The following FHIT variants were observed in gnomAD, a reference collection of about 807,000 sequenced individuals.
FHIT encodes the protein fragile histidine triad diadenosine triphosphatase, also known as bis(5'-adenosyl)-triphosphatase.
A neutral mutation model predicts 17.9 loss-of-function variants in FHIT; 19 were observed. That is an observed-to-expected ratio of 1.06 (90% CI 0.74 to 1.56). The LOEUF (loss-of-function observed/expected upper bound fraction) is 1.56, where lower values mean the gene tolerates loss of function less well. Among genes scored for constraint, FHIT ranks in the 40% most tolerant of loss-of-function variants. The probability of loss-of-function intolerance (pLI) is 0.00; values close to 1 mark genes in which losing one functional copy is unlikely to be tolerated. For synonymous variants in FHIT, 81 were observed against 69.7 expected (o/e 1.16, Z -0.81); for missense variants, 248 against 189.2 (o/e 1.31, Z -1.82).
At chr3:60,168,162 A>G (rs926962071) in intron 5 of FHIT, among the ~76,000 whole-genome samples, 1 of 152,222 alleles carries the variant, frequency 6.6e-6, no homozygotes, top group African/African-American at 2.4e-5. Context: ...CAGTACACAG[A>G]CGGAGGCCTG....
At chr3:60,700,588 A>T (rs2107907683) in intron 4 of FHIT, among the ~76,000 whole-genome samples, 1 of 152,130 alleles carries the variant, frequency 6.6e-6, no homozygotes, top group East Asian at 1.9e-4. Context: ...TTAAATATAC[A>T]TTTTCACATC....
At chr3:60,206,143 A>T (rs1220456715) in intron 5 of FHIT, among the ~76,000 whole-genome samples, 3 of 128,182 alleles carry the variant, frequency 2.3e-5, no homozygotes, top group Admixed American at 8.2e-5. Context: ...AAAAAAAAAA[A>T]AAAATAAATA....
At chr3:60,638,062 C>A (rs2039633470) in intron 4 of FHIT, among the ~76,000 whole-genome samples, 2 of 152,154 alleles carry the variant, frequency 1.3e-5, no homozygotes, top group African/African-American at 4.8e-5. Context: ...AGATCAAATA[C>A]ACAAACATTC....
chr3:60,906,122 A>C (rs1180092539), intron 3 of FHIT, among the ~76,000 whole-genome samples: 5 of 152,382 alleles, frequency 3.3e-5, no homozygotes, highest in African/African-American at 1.2e-4. Flanking sequence ...TTCTGAAGAC[A>C]GTATTCTGAA....
At chr3:59,835,094 A>T (rs938375460) in intron 8 of FHIT, among the ~76,000 whole-genome samples, 1 of 152,180 alleles carries the variant, frequency 6.6e-6, no homozygotes, top group Non-Finnish European at 1.5e-5. Context: ...TTGCAAAGAC[A>T]ATCTTTCCCT....
At chr3:60,782,831 G>A (rs568526847) in intron 4 of FHIT, among the ~76,000 whole-genome samples, 2 of 152,228 alleles carry the variant, frequency 1.3e-5, no homozygotes, top group East Asian at 1.9e-4. Flanking sequence ...GTATCCTCAC[G>A]TGGACGAAGG....
chr3:60,767,950 C>A (rs1553721960), intron 4 of FHIT, among the ~76,000 whole-genome samples: 1 of 152,202 alleles, frequency 6.6e-6, no homozygotes, highest in African/African-American at 2.4e-5. Context: ...ATTAGGCTTA[C>A]TCTGGCTATC....
intron 5 of FHIT, among the ~76,000 whole-genome samples, chr3:60,289,496 A>G (rs1391843340): frequency 6.6e-6 from 1 of 152,182 alleles, no homozygotes; most frequent in Non-Finnish European, 1.5e-5. Flanking sequence ...CCACATTATT[A>G]AACATGACAA....
chr3:60,402,692 TAAA>T (rs1701709563), intron 5 of FHIT, among the ~76,000 whole-genome samples: 2 of 152,132 alleles, frequency 1.3e-5, no homozygotes, highest in Admixed American at 1.3e-4. Context: ...CCATCTGTAA[TAAA>T]GTAGCACTAG....
chr3:59,908,779 G>C (rs1262797888), intron 8 of FHIT, among the ~76,000 whole-genome samples: 1 of 97,160 alleles, frequency 1.0e-5, no homozygotes, highest in Non-Finnish European at 2.4e-5. Context: ...CTGGCCCAGG[G>C]CTGATGAGAT....
At chr3:60,203,832 G>T (rs1188873200) in intron 5 of FHIT, among the ~76,000 whole-genome samples, 1 of 152,168 alleles carries the variant, frequency 6.6e-6, no homozygotes, top group Non-Finnish European at 1.5e-5. Flanking sequence ...TGGGGGCAAA[G>T]ACAGGAACAG....
chr3:61,057,943 C>A (rs1397589339), intron 2 of FHIT, among the ~76,000 whole-genome samples: 2 of 152,166 alleles, frequency 1.3e-5, no homozygotes, highest in Admixed American at 6.5e-5. Flanking sequence ...CCCTCCAAAA[C>A]TTCTCACTGT....
chr3:59,988,856 A>C (rs549264059), intron 7 of FHIT, among the ~76,000 whole-genome samples: 8 of 152,248 alleles, frequency 5.3e-5, no homozygotes, highest in Middle Eastern at 3.4e-3. Context: ...GAGCAGGAGG[A>C]AACAGGGGCA....
chr3:60,947,440 C>T (rs62267331), intron 3 of FHIT, among the ~76,000 whole-genome samples: 1 of 152,124 alleles, frequency 6.6e-6, no homozygotes, highest in Non-Finnish European at 1.5e-5. Flanking sequence ...GAAAATGTAA[C>T]ATTTGAAAAT....
intron 5 of FHIT, chr3:60,080,740 G>A (rs564060422): frequency 6.6e-6 from 1 of 152,088 alleles, no homozygotes. Flanking sequence ...AGAAGGGAGT[G>A]CAAAAGAAGA....
chr3:60,243,902 A>G (rs1346222649), intron 5 of FHIT, among the ~76,000 whole-genome samples: 1 of 152,122 alleles, frequency 6.6e-6, no homozygotes, highest in Non-Finnish European at 1.5e-5. Context: ...TATGTTCTGT[A>G]AGAGTCAGCA....
chr3:60,731,249 C>T (rs2042023807), intron 4 of FHIT, among the ~76,000 whole-genome samples: 1 of 152,162 alleles, frequency 6.6e-6, no homozygotes, highest in Non-Finnish European at 1.5e-5. Context: ...CTGTATGGGT[C>T]TGCAGCAACC....
chr3:60,252,703 A>G (rs1705776594), intron 5 of FHIT, among the ~76,000 whole-genome samples: 1 of 152,146 alleles, frequency 6.6e-6, no homozygotes, highest in African/African-American at 2.4e-5. Flanking sequence ...TAATAAAAAA[A>G]GACTGGGCTG....
At chr3:60,928,241 C>G (rs1450427391) in intron 3 of FHIT, among the ~76,000 whole-genome samples, 1 of 151,478 alleles carries the variant, frequency 6.6e-6, no homozygotes, top group African/African-American at 2.4e-5. Context: ...CTGACCTTCT[C>G]TCCACTATTG....
Sources: allele counts gnomAD v4.1 joint callset (sites outside exome capture counted in the v4.1 genomes callset), GRCh38; gene constraint gnomAD v4.1.1; transcripts MANE v1.5; gene names NCBI Gene and HGNC (gene_info 2026-07-23, HGNC 2026-07-21).